The following PDLIM5 variants were observed in gnomAD, a reference collection of about 807,000 sequenced individuals.
PDLIM5 encodes the protein PDZ and LIM domain protein 5.
In PDLIM5, 34 loss-of-function variants were observed where a neutral mutation model predicts 64.2. The ratio of observed to expected loss-of-function variants is 0.53; its 90% CI spans 0.40 to 0.71. PDLIM5 has a LOEUF of 0.71. PDLIM5 is among the 30% of genes least tolerant of loss of function. The pLI is 0.00. For missense variants in PDLIM5, 683 were observed against 733.6 expected (o/e 0.93, Z 0.80); for synonymous variants, 253 against 269.1 (o/e 0.94, Z 0.59).
chr4:94,538,148 T>C (rs1040465189), intron 3 of PDLIM5, among the ~76,000 whole-genome samples: 3 of 152,190 alleles, frequency 2.0e-5, no homozygotes, highest in African/African-American at 7.2e-5. Context: ...CCTTACAAAA[T>C]ATTCCAGTAT....
intron 9 of PDLIM5, among the ~76,000 whole-genome samples, chr4:94,647,124 G>A (rs1741477582): frequency 1.3e-5 from 2 of 152,062 alleles, no homozygotes; most frequent in Non-Finnish European, 2.9e-5. Flanking sequence ...AAAATAGATA[G>A]CAAAATGCCA....
chr4:94,476,260 CT>C (rs1245744845), intron 2 of PDLIM5, among the ~76,000 whole-genome samples: 1 of 152,038 alleles, frequency 6.6e-6, no homozygotes, highest in African/African-American at 2.4e-5. Context: ...AAGAATGTGA[CT>C]TTGTTTTTAG....
At chr4:94,488,307 T>G (rs1726539330) in intron 2 of PDLIM5, among the ~76,000 whole-genome samples, 1 of 152,236 alleles carries the variant, frequency 6.6e-6, no homozygotes, top group African/African-American at 2.4e-5. Context: ...GTTCCTTTAA[T>G]GGTGCTTATA....
intron 2 of PDLIM5, among the ~76,000 whole-genome samples, chr4:94,475,471 A>C (rs1044859349): frequency 2.0e-5 from 3 of 152,206 alleles, no homozygotes; most frequent in Admixed American, 2.0e-4. Context: ...TTTCATGGTC[A>C]ATGTGCCCTT....
intron 2 of PDLIM5, among the ~76,000 whole-genome samples, chr4:94,457,960 A>G (rs570994993): frequency 4.6e-5 from 7 of 152,264 alleles, no homozygotes; most frequent in African/African-American, 1.7e-4. Context: ...GGGGCATGCA[A>G]TTCATTCTGG....
chr4:94,477,381 C>T lies in PDLIM5; in HGVS notation c.96+21997C>T, dbSNP rs370865855. Among the ~76,000 whole-genome samples, 14 of 152,204 alleles carry T rather than the reference C, an allele frequency of 9.2e-5. No individual in the cohort carries two copies. The East Asian group carries it at 2.1e-3, about 23-fold the overall frequency. ...AGTTAGTAAATTTTGGCATGCAGTC[C>T]AGCTTGGAGATACACTTCTGTAACC... On this transcript the variant is annotated intron_variant, in intron 2 of 12. Coordinates refer to ENST00000317968, the MANE Select transcript of PDLIM5 (RefSeq NM_006457.5).
At chr4:94,560,415 C>T (rs1578376565) in intron 3 of PDLIM5, among the ~76,000 whole-genome samples, 1 of 152,298 alleles carries the variant, frequency 6.6e-6, no homozygotes, top group Admixed American at 6.5e-5. Flanking sequence ...TATTCCCATA[C>T]TCTCCCATTA....
intron 3 of PDLIM5, among the ~76,000 whole-genome samples, chr4:94,529,995 C>T (rs756799344): frequency 7.2e-5 from 11 of 152,096 alleles, no homozygotes; most frequent in Non-Finnish European, 1.5e-4. Context: ...GCTTCGATGT[C>T]TAATTAAACT....
At chr4:94,657,377 G>A (rs756240074) in intron 10 of PDLIM5, 50 bp from the exon 11 acceptor site, 13 of 1,287,466 alleles carry the variant, frequency 1.0e-5, no homozygotes, top group Non-Finnish European at 1.4e-5. Context: ...AAACATTTAT[G>A]TATTTATTGT....
Position 94,577,431 on chromosome 4 carries a change from C to T in PDLIM5, c.710+1397C>T, listed in dbSNP as rs1473310742. 2.4e-5 allele frequency: 11 copies of T among 454,696 alleles called. No individual in the cohort carries two copies. In the East Asian group the frequency reaches 2.8e-4, roughly 12 times the overall value. 28.2% of individuals were successfully genotyped at this position (454,696 alleles called of 1,614,324 possible). ...AAGAACAGCTCCTGGGCTGTACATA[C>T]GGTCTTGAGGTTGTGGGTGGCTTTC... On this transcript the variant is annotated intron_variant, in intron 5 of 12. Coordinates refer to ENST00000317968, the MANE Select transcript of PDLIM5 (RefSeq NM_006457.5).
intron 2 of PDLIM5, among the ~76,000 whole-genome samples, chr4:94,506,115 T>C (rs1266290960): frequency 4.6e-5 from 7 of 152,226 alleles, no homozygotes; most frequent in Non-Finnish European, 8.8e-5. Context: ...AGCTGTAAGC[T>C]AGGAAAGTGG....
intron 9 of PDLIM5, among the ~76,000 whole-genome samples, chr4:94,641,957 G>A (rs1049831832): frequency 8.5e-5 from 13 of 152,154 alleles, no homozygotes; most frequent in Admixed American, 2.0e-4. Context: ...GTGCTAGTAT[G>A]GGGTCTCTGT....
chr4:94,624,381 G>C (rs1183379280), intron 8 of PDLIM5, among the ~76,000 whole-genome samples: 1 of 152,062 alleles, frequency 6.6e-6, no homozygotes, highest in African/African-American at 2.4e-5. Context: ...GGAAATATTA[G>C]GAATGTGGGA....
intron 7 of PDLIM5, chr4:94,587,837 T>A: frequency 1.2e-6 from 1 of 828,480 alleles, no homozygotes; most frequent in Non-Finnish European, 1.5e-6. Flanking sequence ...AGGTATTAAC[T>A]AATAAGATAT....
At chr4:94,643,409 C>T (rs150604418) in intron 9 of PDLIM5, among the ~76,000 whole-genome samples, 32 of 152,252 alleles carry the variant, frequency 2.1e-4, no homozygotes, top group Middle Eastern at 3.4e-3. Flanking sequence ...AATAGATTAA[C>T]TGTTGGAGTG....
intron 2 of PDLIM5, among the ~76,000 whole-genome samples, chr4:94,480,070 A>G (rs569488183): frequency 5.9e-5 from 9 of 152,276 alleles, no homozygotes; most frequent in East Asian, 1.9e-4. Flanking sequence ...TTTTTATTCA[A>G]TTCTTTGAAA....
chr4:94,634,082 G>A (rs534835647), intron 8 of PDLIM5, among the ~76,000 whole-genome samples: 7 of 152,162 alleles, frequency 4.6e-5, no homozygotes, highest in African/African-American at 1.7e-4. Context: ...AGATAGCAGG[G>A]GTCAGATGCT....
intron 2 of PDLIM5, among the ~76,000 whole-genome samples, chr4:94,504,531 C>CGAG (rs1728221068): frequency 6.6e-6 from 1 of 152,086 alleles, no homozygotes; most frequent in Non-Finnish European, 1.5e-5. Flanking sequence ...GTGATCTGCC[C>CGAG]GTCTTGGCCT....
At chr4:94,556,193 A>G (rs1733304202) in intron 3 of PDLIM5, among the ~76,000 whole-genome samples, 1 of 151,958 alleles carries the variant, frequency 6.6e-6, no homozygotes, top group African/African-American at 2.4e-5. Flanking sequence ...GCTGAGAATG[A>G]TGGTTTCCAG....
Sources: gnomAD v4.1 joint callset for allele counts (sites outside exome capture counted in the v4.1 genomes callset) on GRCh38, gnomAD v4.1.1 for gene constraint, MANE v1.5 for transcripts, NCBI Gene and HGNC (gene_info 2026-07-23, HGNC 2026-07-21) for gene names.